Variants in CHSY1 observed in about 807,000 individuals in gnomAD.
CHSY1 encodes the protein N-acetylgalactosaminyl-proteoglycan 3-beta-glucuronosyltransferase 1.
A neutral mutation model predicts 59.8 loss-of-function variants in CHSY1; 13 were observed. The observed-to-expected ratio is 0.22, with a 90% CI of 0.14 to 0.35. The LOEUF is 0.35. Ranked by LOEUF, CHSY1 falls within the 10% of genes least tolerant of loss-of-function variation. The pLI is 1.00. For synonymous variants in CHSY1, 459 were observed against 401.2 expected, an observed-to-expected ratio of 1.14 and a Z score of -1.72; for missense variants, 947 against 1,030.6, an observed-to-expected ratio of 0.92 and a Z score of 1.11.
chr15:101,203,818 C>T (rs12440804), intron 2 of CHSY1, among the ~76,000 whole-genome samples: 2,679 of 152,224 alleles, frequency 0.018, 136 homozygotes, highest in East Asian at 0.15. Context: ...TTTTCAACAA[C>T]GTCAAGGTCA....
intron 1 of CHSY1, among the ~76,000 whole-genome samples, chr15:101,236,984 C>G (rs1209601747): frequency 6.6e-6 from 1 of 151,666 alleles, no homozygotes; most frequent in African/African-American, 2.4e-5. Flanking sequence ...CTTTAGGAGG[C>G]CGAGGCAGGC....
chr15:101,217,820 G>A (rs576031325), intron 2 of CHSY1, among the ~76,000 whole-genome samples: 18 of 152,156 alleles, frequency 1.2e-4, no homozygotes, highest in Non-Finnish European at 2.4e-4. Flanking sequence ...CTCAAGGAAG[G>A]AGAGTGTAAC....
At chr15:101,211,619 T>C (rs1326894498) in intron 2 of CHSY1, among the ~76,000 whole-genome samples, 2 of 151,944 alleles carry the variant, frequency 1.3e-5, no homozygotes, top group Non-Finnish European at 2.9e-5. Flanking sequence ...GTTCAGTGAA[T>C]CACAGCTGAA....
In CHSY1 at chr15:101,239,714, T is replaced by TATATTTCTGGCTA. The variant is rs113892335; in HGVS notation, c.321-4138_321-4137insTAGCCAGAAATAT. Among the ~76,000 whole-genome samples the TATATTTCTGGCTA allele has an allele frequency of 7.4e-3, 1,132 of 152,000 alleles. 17 individuals carry two copies. Among genetic ancestry groups the TATATTTCTGGCTA allele is most frequent in the African/African-American group, 0.026 (1,080 of 41,360 alleles). ...CAAAGGTAATGTGGAAAATGCTTCT[T>TATATTTCTGGCTA]AAAACCTGAGCCTCAAGCTATGTAC... On this transcript the variant is annotated intron_variant, in intron 1 of 2. Transcript: ENST00000254190.
chr15:101,178,628 C>T lies in CHSY1; in HGVS notation c.1169G>A (p.Gly390Asp). The T allele has an allele frequency of 1.2e-6, 2 of 1,614,206 alleles. No individual in the cohort carries two copies. The highest frequency in any genetic ancestry group is 2.2e-5 in the East Asian group (1 of 44,878). Residue 390 changes from glycine (G) to aspartate (D), a missense_variant, in exon 3 of 3, where the codon GGC (glycine) becomes GAC (aspartate). Physicochemically the swap from Gly to Asp is moderately conservative, Grantham distance 94 (BLOSUM62 -1). Around this residue, in one of 4 missense-constraint regions of CHSY1, gnomAD observed 602 missense variants for 676.9 expected, o/e 0.89. Transcript: ENST00000254190. ...TGKYLYSAVD[G>D]QPPRRGMDSA... Reference sequence around the variant, plus strand: ...GTCCATTCCTCTTCGAGGGGGCTGGCCGTCAACTGCCGAATACAAGTATTT... The same window carrying T: ...GTCCATTCCTCTTCGAGGGGGCTGGTCGTCAACTGCCGAATACAAGTATTT...
intron 1 of CHSY1, among the ~76,000 whole-genome samples, chr15:101,247,334 A>G (rs2039061797): frequency 6.6e-6 from 1 of 152,106 alleles, no homozygotes; most frequent in African/African-American, 2.4e-5. Flanking sequence ...ATCAAATCTC[A>G]GCCCAAATGG....
intron 2 of CHSY1, among the ~76,000 whole-genome samples, chr15:101,227,008 C>T (rs1320532462): frequency 1.3e-5 from 2 of 152,106 alleles, no homozygotes; most frequent in Non-Finnish European, 2.9e-5. Context: ...GAAAGTAAAG[C>T]GAACACTGAC....
intron 2 of CHSY1, among the ~76,000 whole-genome samples, chr15:101,186,325 A>C (rs1418453176): frequency 3.5e-5 from 3 of 85,738 alleles, no homozygotes; most frequent in Non-Finnish European, 5.4e-5. Flanking sequence ...GTCTCAAATA[A>C]ATAAATAAAT....
intron 2 of CHSY1, among the ~76,000 whole-genome samples, chr15:101,221,064 G>C (rs1013234784): frequency 6.6e-6 from 1 of 152,030 alleles, no homozygotes; most frequent in South Asian, 2.1e-4. Flanking sequence ...TTATTTATTT[G>C]TCTCCTTATT....
chr15:101,249,139 C>T (rs1034494800), intron 1 of CHSY1, among the ~76,000 whole-genome samples: 1 of 151,724 alleles, frequency 6.6e-6, no homozygotes, highest in South Asian at 2.1e-4. Context: ...GTGCATTAGG[C>T]CCCCCACTGA....
chr15:101,180,974 A>C (rs1444849564), intron 2 of CHSY1, among the ~76,000 whole-genome samples: 1 of 152,224 alleles, frequency 6.6e-6, no homozygotes, highest in East Asian at 1.9e-4. Flanking sequence ...AAAGGTTGAG[A>C]AAGGTTATTT....
chr15:101,209,410 G>A (rs932995155), intron 2 of CHSY1, among the ~76,000 whole-genome samples: 2 of 152,162 alleles, frequency 1.3e-5, no homozygotes, highest in African/African-American at 2.4e-5. Flanking sequence ...AATGCCATCC[G>A]TTTTAATAAA....
At chr15:101,249,199 C>T (rs1008401586) in intron 1 of CHSY1, among the ~76,000 whole-genome samples, 5 of 151,842 alleles carry the variant, frequency 3.3e-5, no homozygotes, top group Admixed American at 1.3e-4. Context: ...GTTCAGGGGG[C>T]ATGGGGGAGA....
intron 1 of CHSY1, among the ~76,000 whole-genome samples, chr15:101,242,956 G>GAA (rs1467090625): frequency 1.3e-5 from 2 of 152,198 alleles, no homozygotes; most frequent in Non-Finnish European, 2.9e-5. Context: ...TGAATGGTGG[G>GAA]AAAATTATTT....
intron 2 of CHSY1, among the ~76,000 whole-genome samples, chr15:101,219,465 G>A (rs937199457): frequency 1.3e-5 from 2 of 152,096 alleles, no homozygotes; most frequent in Non-Finnish European, 2.9e-5. Flanking sequence ...AGGGAGGGGT[G>A]GATTATCTTT....
intron 2 of CHSY1, among the ~76,000 whole-genome samples, chr15:101,184,080 A>T (rs1045962219): frequency 6.6e-6 from 1 of 152,226 alleles, no homozygotes; most frequent in Non-Finnish European, 1.5e-5. Flanking sequence ...TACCCCACAC[A>T]GGGAGGGCGG....
At chr15:101,191,810 T>C (rs1401462720) in intron 2 of CHSY1, among the ~76,000 whole-genome samples, 1 of 152,174 alleles carries the variant, frequency 6.6e-6, no homozygotes, top group East Asian at 1.9e-4. Context: ...AAGTAGATTG[T>C]AGGGGAAACT....
chr15:101,244,030 C>A (rs2039028028), intron 1 of CHSY1, among the ~76,000 whole-genome samples: 1 of 152,218 alleles, frequency 6.6e-6, no homozygotes, highest in African/African-American at 2.4e-5. Context: ...TCAGAGCAGA[C>A]TGGACCTTAT....
intron 1 of CHSY1, among the ~76,000 whole-genome samples, chr15:101,237,437 A>T (rs2038957023): frequency 6.6e-6 from 1 of 152,148 alleles, no homozygotes; most frequent in Admixed American, 6.5e-5. Context: ...CACTGAGTAA[A>T]CTACTGCAGC....
Sources: gnomAD v4.1 joint callset for allele counts (sites outside exome capture counted in the v4.1 genomes callset) on GRCh38, gnomAD v4.1.1 for gene constraint, gnomAD v4.1.1 regional missense constraint, MANE v1.5 for transcripts, NCBI Gene and HGNC (gene_info 2026-07-23, HGNC 2026-07-21) for gene names.